Variants in SNX16 observed in about 807,000 individuals in gnomAD.
The protein encoded by SNX16 is sorting nexin 16, also known as sorting nexin-16.
Under a neutral mutation model 36.7 loss-of-function variants are expected in SNX16, and 35 were observed. That is an observed-to-expected ratio of 0.95 (90% confidence interval 0.73 to 1.27). The LOEUF is 1.27. Among genes scored for constraint, SNX16 ranks in the 50% most tolerant of loss-of-function variants. The pLI, the probability that SNX16 is intolerant of heterozygous loss-of-function variation, is 0.00. For synonymous variants in SNX16, 134 were observed against 132.0 expected (o/e 1.02, Z -0.10); for missense variants, 367 against 393.6 (o/e 0.93, Z 0.57).
intron 5 of SNX16, chr8:81,808,240 G>C (rs1222410622): frequency 8.2e-7 from 1 of 1,224,290 alleles, no homozygotes; most frequent in South Asian, 1.2e-5. Context: ...TCACGACCAT[G>C]ACTCCATGGA....
intron 5 of SNX16, among the ~76,000 whole-genome samples, chr8:81,814,110 A>C (rs1231199687): frequency 6.6e-6 from 1 of 152,074 alleles, no homozygotes; most frequent in East Asian, 1.9e-4. Context: ...TTCACACAAA[A>C]CATTATATGA....
In SNX16 at chr8:81,840,005, A is replaced by G. The variant is rs780465132; in HGVS notation, c.-19T>C. 1 of 1,569,494 alleles carries G rather than the reference A, an allele frequency of 6.4e-7. No homozygotes were observed. ...TTGCCATCTTCTTTTGGCTTTTCCA[A>G]CAAGCTTGCACACTGTTGAGTCCAC... On this transcript the variant is annotated 5_prime_UTR_variant, in exon 2 of 8. Transcript: ENST00000345957.
At chr8:81,809,108 G>A (rs1352413130) in intron 5 of SNX16, among the ~76,000 whole-genome samples, 1 of 151,448 alleles carries the variant, frequency 6.6e-6, no homozygotes, top group Non-Finnish European at 1.5e-5. Context: ...AAGCCATCTT[G>A]GTAAATTTCC....
chr8:81,819,204 A>G (rs2130682551), intron 4 of SNX16, among the ~76,000 whole-genome samples: 1 of 152,230 alleles, frequency 6.6e-6, no homozygotes, highest in South Asian at 2.1e-4. Context: ...GGCATGTAAG[A>G]TACATGTGAA....
Position 81,829,446 on chromosome 8 carries a change from G to C in SNX16, c.446C>G (p.Ser149Cys). 1 of 1,416,560 alleles carries C rather than the reference G, an allele frequency of 7.1e-7. No homozygotes were observed. The highest frequency in any genetic ancestry group is 9.3e-7 in the Non-Finnish European group (1 of 1,078,060). 87.7% of individuals were successfully genotyped at this position (1,416,560 alleles called of 1,614,324 possible). A position where few individuals can be genotyped will look rare whatever the true frequency, so the allele number is the denominator to read the frequency against. The change falls in exon 3 of 8, where the codon TCT becomes TGT. Residue 149 changes from serine to cysteine, a missense_variant. Transcript: ENST00000345957. ...AGTACTTACTTTGTCATTAAGCCTA[G>C]AGAAGTCAGTGTATCTTCTGAAAAC... ...WVVFRRYTDFSRLNDKLKEMF... is the reference protein window; with the variant it reads ...WVVFRRYTDFCRLNDKLKEMF...
intron 3 of SNX16, among the ~76,000 whole-genome samples, chr8:81,826,619 A>C (rs536868684): frequency 4.6e-5 from 7 of 152,308 alleles, no homozygotes; most frequent in Non-Finnish European, 8.8e-5. Flanking sequence ...GAATTTGCTC[A>C]TGACTTTGTC....
intron 2 of SNX16, among the ~76,000 whole-genome samples, chr8:81,835,581 A>G (rs1452782503): frequency 6.6e-6 from 1 of 152,236 alleles, no homozygotes; most frequent in African/African-American, 2.4e-5. Flanking sequence ...CTTCCGCCAG[A>G]TACCCTAAAT....
At chr8:81,829,955 C>G (rs1340339557) in intron 2 of SNX16, among the ~76,000 whole-genome samples, 1 of 151,950 alleles carries the variant, frequency 6.6e-6, no homozygotes, top group Non-Finnish European at 1.5e-5. Flanking sequence ...AAGTCCTAGC[C>G]AAAGCAATCA....
chr8:81,828,516 G>A (rs946527816), intron 3 of SNX16, among the ~76,000 whole-genome samples: 1 of 152,140 alleles, frequency 6.6e-6, no homozygotes, highest in Non-Finnish European at 1.5e-5. Context: ...TTAATACACT[G>A]AGGTTTATTA....
intron 2 of SNX16, among the ~76,000 whole-genome samples, chr8:81,833,399 T>TAAA (rs150120476): frequency 6.6e-6 from 1 of 151,076 alleles, no homozygotes; most frequent in Admixed American, 6.6e-5. Context: ...CTTTGAAGTT[T>TAAA]AAAAAAATAA....
chr8:81,802,507 T>C lies in SNX16; in HGVS notation c.819-8A>G, dbSNP rs757802488. On this transcript the variant is annotated splice_polypyrimidine_tract_variant and splice_region_variant and intron_variant, in intron 6 of 7. Coordinates refer to ENST00000345957, the MANE Select transcript of SNX16 (RefSeq NM_152836.3). Reference sequence around the variant, plus strand: ...GGTTCTAAAGACAATGTTCTAAAAGTATGTTATAGCAACAAGTTATTTTCT... The same window carrying C: ...GGTTCTAAAGACAATGTTCTAAAAGCATGTTATAGCAACAAGTTATTTTCT... 3.1e-6 allele frequency: 5 copies of C among 1,599,102 alleles called. No homozygotes were observed. In the South Asian group the frequency reaches 4.5e-5, roughly 14 times the overall value.
chr8:81,807,983 C>G, intron 5 of SNX16: 1 of 798,906 alleles, frequency 1.3e-6, no homozygotes, highest in Non-Finnish European at 2.2e-6. Context: ...GTGGATGCAG[C>G]CGTGAATGCA....
In SNX16 at chr8:81,840,112, T is replaced by G. The variant is rs988314369; in HGVS notation, c.-96-30A>C. ...AAATGAAAAGGACATATTAAAAGGT[T>G]AGTCTTTAATGTGCAGCAGGATTCA... On this transcript the variant is annotated intron_variant, in intron 1 of 7. Transcript: ENST00000345957. 14 of 1,089,758 alleles carry G rather than the reference T, an allele frequency of 1.3e-5. 1 individual carries two copies. In the Middle Eastern group the frequency reaches 6.3e-4, roughly 49 times the overall value. 67.5% of individuals were successfully genotyped at this position (1,089,758 alleles called of 1,614,324 possible).
chr8:81,834,118 G>A (rs545024979), intron 2 of SNX16, among the ~76,000 whole-genome samples: 1 of 152,286 alleles, frequency 6.6e-6, no homozygotes, highest in East Asian at 1.9e-4. Flanking sequence ...GTTCCATGTG[G>A]CTAGGGAGGC....
chr8:81,811,634 C>T (rs774469), intron 5 of SNX16, among the ~76,000 whole-genome samples: 61,303 of 151,938 alleles, frequency 0.4, 13,086 homozygotes, highest in African/African-American at 0.49. Flanking sequence ...AGACAAACTT[C>T]ACAGATTTAG....
chr8:81,811,346 A>G (rs1810239879), intron 5 of SNX16, among the ~76,000 whole-genome samples: 1 of 152,190 alleles, frequency 6.6e-6, no homozygotes, highest in Non-Finnish European at 1.5e-5. Context: ...AACAGAGCCC[A>G]TATGCGTGTA....
chr8:81,809,069 A>C, intron 5 of SNX16, among the ~76,000 whole-genome samples: 1 of 150,386 alleles, frequency 6.6e-6, no homozygotes, highest in East Asian at 1.9e-4. Flanking sequence ...TCTTTTTTTT[A>C]ATGTGCTGTG....
At chr8:81,831,457 C>G (rs1485054631) in intron 2 of SNX16, among the ~76,000 whole-genome samples, 1 of 152,028 alleles carries the variant, frequency 6.6e-6, no homozygotes, top group Admixed American at 6.5e-5. Flanking sequence ...CTTTGGGAGG[C>G]TGAGGTGGGC....
At chr8:81,828,689 C>A (rs953476527) in intron 3 of SNX16, among the ~76,000 whole-genome samples, 35 of 152,104 alleles carry the variant, frequency 2.3e-4, no homozygotes, top group Admixed American at 7.2e-4. Context: ...TCTGGGTGAG[C>A]CTTATCTTAC....
Sources: allele counts gnomAD v4.1 joint callset (sites outside exome capture counted in the v4.1 genomes callset), GRCh38; gene constraint gnomAD v4.1.1; transcripts MANE v1.5; gene names NCBI Gene and HGNC (gene_info 2026-07-23, HGNC 2026-07-21).